SPOCK1: variants seen among roughly 807,000 people sequenced by gnomAD.
SPOCK1 encodes SPARC (osteonectin), cwcv and kazal like domains proteoglycan 1, also known as testican-1.
In SPOCK1, 23 loss-of-function variants were observed where a neutral mutation model predicts 55.3. That is an observed-to-expected ratio of 0.42 (90% confidence interval 0.30 to 0.59). The LOEUF is 0.59. Ranked by LOEUF, SPOCK1 falls within the 20% of genes least tolerant of loss-of-function variation. SPOCK1 has a pLI of 0.22. For synonymous variants in SPOCK1, 226 were observed against 221.0 expected (o/e 1.02, Z -0.20); for missense variants, 499 against 552.5 (o/e 0.90, Z 0.97).
chr5:137,310,423 T>G (rs1757769687), intron 2 of SPOCK1, among the ~76,000 whole-genome samples: 1 of 152,236 alleles, frequency 6.6e-6, no homozygotes, highest in Non-Finnish European at 1.5e-5. Context: ...TATCGTCTAC[T>G]GAGTTATTAG....
At chr5:137,112,184 G>T (rs1344154824) in intron 5 of SPOCK1, among the ~76,000 whole-genome samples, 2 of 152,132 alleles carry the variant, frequency 1.3e-5, no homozygotes, top group Non-Finnish European at 2.9e-5. Context: ...ATTAACTTCA[G>T]GATCACATGC....
intron 3 of SPOCK1, among the ~76,000 whole-genome samples, chr5:137,219,564 A>G: frequency 6.6e-6 from 1 of 152,254 alleles, no homozygotes; most frequent in Non-Finnish European, 1.5e-5. Context: ...CTCCAAATGA[A>G]TAGAAGCTCA....
chr5:137,114,834 A>T (rs1753546743), intron 4 of SPOCK1, among the ~76,000 whole-genome samples: 1 of 152,210 alleles, frequency 6.6e-6, no homozygotes, highest in Non-Finnish European at 1.5e-5. Context: ...TCTACAGCTG[A>T]AGCAATTCTT....
intron 3 of SPOCK1, among the ~76,000 whole-genome samples, chr5:137,174,662 C>A (rs1022800427): frequency 2.6e-5 from 4 of 152,218 alleles, no homozygotes; most frequent in African/African-American, 7.2e-5. Flanking sequence ...AGTCCCCATT[C>A]CAAAAGGGAG....
At chr5:137,110,496 T>C (rs918128475) in intron 5 of SPOCK1, among the ~76,000 whole-genome samples, 4 of 152,182 alleles carry the variant, frequency 2.6e-5, no homozygotes, top group Non-Finnish European at 5.9e-5. Context: ...GAATGGGGGA[T>C]AGAAATGACT....
chr5:137,306,039 G>T (rs1757696185), intron 2 of SPOCK1, among the ~76,000 whole-genome samples: 1 of 152,190 alleles, frequency 6.6e-6, no homozygotes, highest in Non-Finnish European at 1.5e-5. Flanking sequence ...TGTAGTTGGT[G>T]GTCACTTCTG....
intron 6 of SPOCK1, among the ~76,000 whole-genome samples, chr5:137,034,923 G>A (rs1465897404): frequency 1.3e-5 from 2 of 152,216 alleles, no homozygotes; most frequent in African/African-American, 2.4e-5. Flanking sequence ...ACATGCGGGC[G>A]GCCCAGAGGG....
intron 2 of SPOCK1, among the ~76,000 whole-genome samples, chr5:137,292,190 C>A (rs753719606): frequency 2.6e-5 from 4 of 151,950 alleles, no homozygotes; most frequent in Non-Finnish European, 4.4e-5. Flanking sequence ...TCATGTGTAA[C>A]CATGAGAATC....
intron 5 of SPOCK1, among the ~76,000 whole-genome samples, chr5:137,112,076 C>G (rs998205363): frequency 6.6e-6 from 1 of 152,020 alleles, no homozygotes; most frequent in Non-Finnish European, 1.5e-5. Flanking sequence ...GGCAGCATCA[C>G]GACCCCCCCT....
chr5:137,249,424 T>C (rs1178012171), intron 3 of SPOCK1, among the ~76,000 whole-genome samples: 1 of 152,206 alleles, frequency 6.6e-6, no homozygotes, highest in African/African-American at 2.4e-5. Flanking sequence ...CTATAAAAAT[T>C]ATGTATCAAT....
chr5:137,191,673 A>AT lies in SPOCK1; in HGVS notation c.233-50980dup, dbSNP rs1352896434. 2.0e-5 allele frequency among the ~76,000 whole-genome samples: 3 copies of AT among 152,208 alleles called. No individual in the cohort carries two copies. In the South Asian group the frequency reaches 6.2e-4, roughly 32 times the overall value. On this transcript the variant is annotated intron_variant, in intron 3 of 10. Coordinates refer to ENST00000394945, the MANE Select transcript of SPOCK1 (RefSeq NM_004598.4). ...CATCAGGTAAAACAGGCTTGGAGCT[A>AT]TTTTTTCATAATAGAAAATGGCACA...
chr5:137,257,086 A>G (rs954261503), intron 3 of SPOCK1, among the ~76,000 whole-genome samples: 3 of 151,734 alleles, frequency 2.0e-5, no homozygotes, highest in Non-Finnish European at 2.9e-5. Context: ...CAGTCCCACC[A>G]CTCCCAGTGT....
chr5:137,151,719 G>A (rs1754321851), intron 3 of SPOCK1, among the ~76,000 whole-genome samples: 1 of 152,114 alleles, frequency 6.6e-6, no homozygotes, highest in South Asian at 2.1e-4. Context: ...AATCCCACAG[G>A]TGAAAGGTCC....
chr5:137,393,260 A>G (rs1263011199), intron 2 of SPOCK1, among the ~76,000 whole-genome samples: 1 of 152,212 alleles, frequency 6.6e-6, no homozygotes, highest in African/African-American at 2.4e-5. Flanking sequence ...GAGCCCATCC[A>G]TGTGACTTGT....
intron 2 of SPOCK1, among the ~76,000 whole-genome samples, chr5:137,461,470 C>G (rs2061480423): frequency 6.6e-6 from 1 of 152,206 alleles, no homozygotes; most frequent in Non-Finnish European, 1.5e-5. Flanking sequence ...AATGAAGCAG[C>G]TTTTGGGGGC....
chr5:137,259,472 C>T (rs1411164041), intron 3 of SPOCK1, among the ~76,000 whole-genome samples: 2 of 152,016 alleles, frequency 1.3e-5, no homozygotes, highest in African/African-American at 2.4e-5. Flanking sequence ...GGGAGCATCA[C>T]ATACTGGGGC....
In SPOCK1 at chr5:137,087,634, G is replaced by A. The variant is rs532282304; in HGVS notation, c.475-19805C>T. Among the ~76,000 whole-genome samples the A allele has an allele frequency of 9.2e-5, 14 of 152,358 alleles. No individual in the cohort carries two copies. The East Asian group carries it at 2.3e-3, about 25-fold the overall frequency. ...CCTCTCTGTGAAGCAGCCGCTGGCA[G>A]CACCTCTTCCAGTGAATACTGCCAT... On this transcript the variant is annotated intron_variant, in intron 5 of 10. Transcript: ENST00000394945.
intron 6 of SPOCK1, among the ~76,000 whole-genome samples, chr5:137,044,373 G>A (rs1207731560): frequency 2.0e-5 from 3 of 152,120 alleles, no homozygotes; most frequent in African/African-American, 7.2e-5. Context: ...AAAGCATTAA[G>A]ACACACACAC....
intron 2 of SPOCK1, among the ~76,000 whole-genome samples, chr5:137,438,031 G>A (rs922499448): frequency 6.6e-6 from 1 of 152,084 alleles, no homozygotes. Flanking sequence ...TTTGTGACTG[G>A]CTCATTTCAC....
Sources: gnomAD v4.1 joint callset for allele counts (sites outside exome capture counted in the v4.1 genomes callset) on GRCh38, gnomAD v4.1.1 for gene constraint, MANE v1.5 for transcripts, NCBI Gene and HGNC (gene_info 2026-07-23, HGNC 2026-07-21) for gene names.